ERC2: variants seen among roughly 807,000 people sequenced by gnomAD.
The protein encoded by ERC2 is ERC protein 2.
A neutral mutation model predicts 114.8 loss-of-function variants in ERC2; 42 were observed. The ratio of observed to expected loss-of-function variants is 0.37; its 90% CI spans 0.29 to 0.47. ERC2 has a LOEUF of 0.47. ERC2 is among the 20% of genes least tolerant of loss of function. The probability of loss-of-function intolerance (pLI) is 0.99; values close to 1 mark genes in which losing one functional copy is unlikely to be tolerated. For synonymous variants in ERC2, 454 were observed against 425.5 expected, an observed-to-expected ratio of 1.07 and a Z score of -0.82; for missense variants, 939 against 1,150.7, an observed-to-expected ratio of 0.82 and a Z score of 2.66.
At chr3:55,693,984 C>G (rs527533126) in intron 16 of ERC2, among the ~76,000 whole-genome samples, 1 of 152,178 alleles carries the variant, frequency 6.6e-6, no homozygotes, top group Non-Finnish European at 1.5e-5. Flanking sequence ...GTTGGGATTA[C>G]AGGTGTGAGT....
chr3:55,546,394 C>T (rs2054755230), intron 17 of ERC2, among the ~76,000 whole-genome samples: 1 of 152,210 alleles, frequency 6.6e-6, no homozygotes, highest in South Asian at 2.1e-4. Flanking sequence ...TTCCATGCTG[C>T]ACCCCCACCC....
At position 55,800,437 on chromosome 3, in the gene ERC2, T is replaced by G. The variant is rs867991071; in HGVS notation, c.2565-65519A>C. Among the ~76,000 whole-genome samples the G allele has an allele frequency of 2.6e-5, 4 of 152,226 alleles. No homozygotes were observed. The Middle Eastern group carries it at 0.01, about 388-fold the overall frequency. On this transcript the variant is annotated intron_variant, in intron 14 of 17. Coordinates refer to ENST00000288221, the MANE Select transcript of ERC2 (RefSeq NM_015576.3). ...GATTACAGGTGTGAGCCACCGCGCC[T>G]AGCCGGAAGTTATGTTTTAAGTCAC...
In ERC2 at chr3:55,726,739, C is replaced by CT. The variant is rs1446041449; in HGVS notation, c.2712+8031dup. On this transcript the variant is annotated intron_variant, in intron 15 of 17. Coordinates refer to ENST00000288221, the MANE Select transcript of ERC2 (RefSeq NM_015576.3). The stretch of plus-strand genomic sequence containing the variant: ...CCAGAATGTTTACCTAGACATGGGA[C>CT]TTTTTTTTCTGCAAACCCCATGGGA... 3.9e-5 allele frequency among the ~76,000 whole-genome samples: 6 copies of CT among 152,156 alleles called. No homozygotes were observed. The South Asian group carries it at 6.2e-4, about 16-fold the overall frequency.
intron 14 of ERC2, among the ~76,000 whole-genome samples, chr3:55,778,259 G>A (rs559832381): frequency 1.3e-5 from 2 of 152,116 alleles, no homozygotes; most frequent in African/African-American, 4.8e-5. Context: ...GAGAAATCAG[G>A]TTCTCTGGAA....
At chr3:56,359,562 C>A (rs1272771395) in intron 2 of ERC2, among the ~76,000 whole-genome samples, 1 of 152,254 alleles carries the variant, frequency 6.6e-6, no homozygotes, top group African/African-American at 2.4e-5. Flanking sequence ...GAAACCAAGA[C>A]AAAGTGACTT....
intron 14 of ERC2, among the ~76,000 whole-genome samples, chr3:55,738,809 T>A (rs779864052): frequency 6.6e-6 from 1 of 152,186 alleles, no homozygotes; most frequent in African/African-American, 2.4e-5. Context: ...ATGTGCAGAA[T>A]GTGCAGGTTT....
At chr3:55,756,059 C>G (rs1476583068) in intron 14 of ERC2, among the ~76,000 whole-genome samples, 1 of 152,052 alleles carries the variant, frequency 6.6e-6, no homozygotes, top group East Asian at 1.9e-4. Flanking sequence ...CTCTGTGGTT[C>G]TAAGCTGAAA....
intron 7 of ERC2, among the ~76,000 whole-genome samples, chr3:56,041,016 T>C (rs2075160993): frequency 6.6e-6 from 1 of 151,976 alleles, no homozygotes; most frequent in Non-Finnish European, 1.5e-5. Flanking sequence ...ATCAATTTTA[T>C]GATAATTGCT....
In ERC2 at chr3:56,434,559, A is replaced by G; in HGVS notation, c.449T>C (p.Leu150Pro). Residue 150 changes from leucine to proline, a missense_variant, in exon 2 of 18, where the codon CTT (leucine) becomes CCT (proline). Physicochemically the swap from Leu to Pro is moderately conservative, Grantham distance 98. Around this residue, in one of 5 missense-constraint regions of ERC2, gnomAD observed 281 missense variants for 307.4 expected, o/e 0.91. Coordinates refer to ENST00000288221, the MANE Select transcript of ERC2 (RefSeq NM_015576.3). ...CTGCAGTTCTTTCAGCTGGGCCTGA[A>G]GATCTAACATTGTGCTGTCTCTTAC... ...RQVRDSTMLD[L>P]QAQLKELQRE... 6.2e-7 allele frequency: 1 copy of G among 1,613,980 alleles called. No homozygotes were observed. Among genetic ancestry groups the G allele is most frequent in the Non-Finnish European group, 8.5e-7 (1 of 1,179,896 alleles).
intron 14 of ERC2, among the ~76,000 whole-genome samples, chr3:55,762,695 A>G (rs9848037): frequency 0.81 from 122,530 of 152,108 alleles, 49,923 homozygotes; most frequent in African/African-American, 0.93. Flanking sequence ...TGACAGACCC[A>G]TGCACTCAGA....
chr3:56,457,039 G>A (rs985036047), intron 1 of ERC2, among the ~76,000 whole-genome samples: 10 of 152,176 alleles, frequency 6.6e-5, no homozygotes, highest in Non-Finnish European at 1.5e-4. Flanking sequence ...ACATTTCAAG[G>A]AATAATGAAA....
chr3:55,631,601 G>C (rs139171367), intron 17 of ERC2, among the ~76,000 whole-genome samples: 1 of 152,298 alleles, frequency 6.6e-6, no homozygotes, highest in African/African-American at 2.4e-5. Flanking sequence ...TCCTATTGTG[G>C]AGTCAGGGGC....
chr3:56,296,334 G>C lies in ERC2; in HGVS notation c.759C>G (p.His253Gln). Residue 253 changes from histidine (H) to glutamine (Q), a missense_variant, in exon 3 of 18, where the codon CAC (histidine) becomes CAG (glutamine). By Grantham distance (24) the His-to-Gln change is conservative. Around this residue, in one of 5 missense-constraint regions of ERC2, gnomAD observed 33 missense variants for 75.6 expected, o/e 0.44. Transcript: ENST00000288221. ...TCTCCTCGGTCAGCTCGATGGTGAA[G>C]TGCTCCGCTCCTCGGTTGCCACTCT... ...QQESGNRGAE[H>Q]FTIELTEENF... The C allele has an allele frequency of 6.2e-7, 1 of 1,614,050 alleles. No individual in the cohort carries two copies. The highest frequency in any genetic ancestry group is 8.5e-7 in the Non-Finnish European group (1 of 1,179,906).
chr3:56,173,508 T>G lies in ERC2; in HGVS notation c.1087A>C (p.Arg363=). 6.2e-7 allele frequency: 1 copy of G among 1,613,880 alleles called. No individual in the cohort carries two copies. The highest frequency in any genetic ancestry group is 8.5e-7 in the Non-Finnish European group (1 of 1,179,828). The change falls in exon 4 of 18, where the codon AGA becomes CGA. Residue 363 remains arginine (R), a synonymous_variant. Transcript: ENST00000288221. The part of the protein sequence containing the change: ...NIHLREELHR[R]SQLQPEPAKT... Reference sequence around the variant, plus strand: ...GCTGGCTCCGGCTGAAGTTGGCTTCTTCGGTGCAATTCCTGGGGAGGAACA... The same window carrying G: ...GCTGGCTCCGGCTGAAGTTGGCTTCGTCGGTGCAATTCCTGGGGAGGAACA...
At chr3:56,304,209 T>A (rs963185373) in intron 2 of ERC2, among the ~76,000 whole-genome samples, 2 of 152,118 alleles carry the variant, frequency 1.3e-5, no homozygotes, top group Non-Finnish European at 2.9e-5. Flanking sequence ...ACAATGGAGA[T>A]AAGCCACAAA....
intron 10 of ERC2, among the ~76,000 whole-genome samples, chr3:56,003,620 A>G (rs2072248445): frequency 6.6e-6 from 1 of 152,142 alleles, no homozygotes; most frequent in African/African-American, 2.4e-5. Flanking sequence ...AGAAAAATAC[A>G]GATCAGCAAA....
chr3:56,183,436 T>C (rs376034777), intron 3 of ERC2, among the ~76,000 whole-genome samples: 2 of 152,072 alleles, frequency 1.3e-5, no homozygotes, highest in Non-Finnish European at 2.9e-5. Flanking sequence ...CGTAGAGAGG[T>C]TGGGATAAAT....
intron 7 of ERC2, among the ~76,000 whole-genome samples, chr3:56,054,167 A>G (rs980852652): frequency 2.0e-5 from 3 of 152,228 alleles, no homozygotes; most frequent in South Asian, 2.1e-4. Flanking sequence ...GTCTTTTACT[A>G]AAATTGTGTA....
intron 14 of ERC2, among the ~76,000 whole-genome samples, chr3:55,779,492 C>A (rs1283487962): frequency 6.6e-6 from 1 of 151,274 alleles, no homozygotes. Flanking sequence ...CAGAGTGAGA[C>A]TCTGTCTCAA....
Sources: allele counts gnomAD v4.1 joint callset (sites outside exome capture counted in the v4.1 genomes callset), GRCh38; gene constraint gnomAD v4.1.1; regional missense constraint gnomAD v4.1.1; transcripts MANE v1.5; gene names NCBI Gene and HGNC (gene_info 2026-07-23, HGNC 2026-07-21).